IFT172: variants seen among roughly 807,000 people sequenced by gnomAD.
IFT172 encodes the protein intraflagellar transport 172.
IFT172 carries 164 observed loss-of-function variants against 248.9 expected under a neutral mutation model. That is an observed-to-expected ratio of 0.66 (90% CI 0.58 to 0.75). The LOEUF (loss-of-function observed/expected upper bound fraction) is 0.75, where lower values mean the gene tolerates loss of function less well. IFT172 is among the 30% of genes least tolerant of loss of function. The pLI is 0.00. For synonymous variants in IFT172, 729 were observed against 791.6 expected (o/e 0.92, Z 1.33); for missense variants, 1,950 against 2,192.4 (o/e 0.89, Z 2.21).
Position 27,476,677 on chromosome 2 carries a change from A to G in IFT172, c.1375T>C (p.Leu459=), listed in dbSNP as rs371521736. 3 of 1,611,698 alleles carry G rather than the reference A, an allele frequency of 1.9e-6. No individual in the cohort carries two copies. Among genetic ancestry groups the G allele is most frequent in the Non-Finnish European group, 2.5e-6 (3 of 1,177,894 alleles). ...CQRGTEDNKK[L]AYLIDIKTIA... ...GTCTTAATATCAATAAGATAAGCCA[A>G]TTTCTTATTATCTTCTGTTCCTCGC... The change falls in exon 14 of 48, where the codon TTG becomes CTG. Residue 459 remains leucine, a synonymous_variant. Coordinates refer to ENST00000260570, the MANE Select transcript of IFT172 (RefSeq NM_015662.3).
chr2:27,471,049 T>C lies in IFT172; in HGVS notation c.1571A>G (p.Asn524Ser), dbSNP rs1194191840. Residue 524 changes from asparagine to serine, a missense_variant, in exon 16 of 48, where the codon AAC (asparagine) becomes AGC (serine). Asn to Ser is a conservative substitution (Grantham distance 46). Coordinates refer to ENST00000260570, the MANE Select transcript of IFT172 (RefSeq NM_015662.3). ...GACCCACTGCATATAGGAGCAGAAGTTGAGGATCATTGTCTTAGAGCAGCT... is the reference window on the plus strand; with the variant it reads ...GACCCACTGCATATAGGAGCAGAAGCTGAGGATCATTGTCTTAGAGCAGCT... ...IESCSKTMIL[N>S]FCSYMQWVPG... 1.2e-6 allele frequency: 2 copies of C among 1,612,320 alleles called. No homozygotes were observed. The highest frequency in any genetic ancestry group is 1.7e-5 in the Admixed American group (1 of 59,328).
chr2:27,454,338 G>A lies in IFT172; in HGVS notation c.3530+16C>T. The A allele has an allele frequency of 6.2e-7, 1 of 1,614,030 alleles. No individual in the cohort carries two copies. The highest frequency in any genetic ancestry group is 2.2e-5 in the East Asian group (1 of 44,890). ...GACTGGGGAAACAGTATTAAGGAATGTATGGGGTAACTCACATGAGGACTG... is the reference window on the plus strand; with the variant it reads ...GACTGGGGAAACAGTATTAAGGAATATATGGGGTAACTCACATGAGGACTG... On this transcript the variant is annotated intron_variant, in intron 32 of 47. Coordinates refer to ENST00000260570, the MANE Select transcript of IFT172 (RefSeq NM_015662.3). This position sits in a 1 kb window ranked among gnomAD's most constrained non-coding sequence, Gnocchi z 4.2.
chr2:27,471,213 G>T, intron 15 of IFT172, 118 bp from the exon 16 acceptor site: 1 of 923,086 alleles, frequency 1.1e-6, no homozygotes, highest in Non-Finnish European at 1.6e-6. Flanking sequence ...GGTTCATGCT[G>T]CATTTCAAAG....
Position 27,446,259 on chromosome 2 carries a change from C to A in IFT172, c.4755+1G>T. 6.2e-7 allele frequency: 1 copy of A among 1,614,070 alleles called. No individual in the cohort carries two copies. The highest frequency in any genetic ancestry group is 8.5e-7 in the Non-Finnish European group (1 of 1,179,902). On this transcript the variant is annotated splice_donor_variant, in intron 43 of 47. Transcript: ENST00000260570. LOFTEE classifies it high-confidence loss of function. ...CCCCACCCTTCCTTGTCCCAGCTCA[C>A]CTTGGCAGCAATGCCTGCTTCATAG...
chr2:27,464,527 A>G (rs945671332), intron 18 of IFT172, among the ~76,000 whole-genome samples: 1 of 152,180 alleles, frequency 6.6e-6, no homozygotes, highest in East Asian at 1.9e-4. Context: ...ACACATATGC[A>G]TAGATTGAAG....
At chr2:27,471,913 CTG>C in intron 15 of IFT172, 1 of 410,522 alleles carries the variant, frequency 2.4e-6, no homozygotes, top group Non-Finnish European at 4.3e-6. Flanking sequence ...TGGCACGTGC[CTG>C]TAGTCCCAGC....
chr2:27,448,121 C>CA (rs529258808), intron 40 of IFT172, among the ~76,000 whole-genome samples, 199 bp from the exon 41 acceptor site: 83 of 151,932 alleles, frequency 5.5e-4, no homozygotes, highest in African/African-American at 2.0e-3. Flanking sequence ...ATTTTTGAGA[C>CA]AGAGTCTTGC....
In IFT172 at chr2:27,481,097, G is replaced by C; in HGVS notation, c.734C>G (p.Thr245Arg). The change falls in exon 8 of 48, where the codon ACA becomes AGA. Residue 245 changes from threonine (T) to arginine (R), a missense_variant. This residue lies in a region of IFT172 where 1,166 missense variants were observed against 1,254.1 expected (regional missense o/e 0.93). Transcript: ENST00000260570. ...CTGGCCCCCAGGACTTGATACAGCT[G>C]TGGTGAACTCCCGCTCCTGAGGGTC... ...SRDPQEREFT[T>R]AVSSPGGQSV... 6.2e-7 allele frequency: 1 copy of C among 1,614,114 alleles called. No homozygotes were observed. Among genetic ancestry groups the C allele is most frequent in the Non-Finnish European group, 8.5e-7 (1 of 1,180,032 alleles).
At chr2:27,447,461 C>A (rs1170458642) in intron 42 of IFT172, 54 bp downstream of exon 42, 3 of 1,595,360 alleles carry the variant, frequency 1.9e-6, no homozygotes, top group African/African-American at 1.3e-5. Context: ...CAGCTTTATA[C>A]ATTTGCAGAT....
chr2:27,471,235 G>T, intron 15 of IFT172, 140 bp from the exon 16 acceptor site: 1 of 720,584 alleles, frequency 1.4e-6, no homozygotes, highest in Non-Finnish European at 2.3e-6. Context: ...TTACTGACCT[G>T]CTTTCTGCTG....
At chr2:27,476,804 T>C in intron 13 of IFT172, 78 bp from the exon 14 acceptor site, 1 of 808,248 alleles carries the variant, frequency 1.2e-6, no homozygotes, top group South Asian at 1.5e-5. Flanking sequence ...AAGTACCATA[T>C]GGGATGAAGC....
intron 1 of IFT172, among the ~76,000 whole-genome samples, chr2:27,489,224 G>C (rs568437586): frequency 6.6e-6 from 1 of 152,142 alleles, no homozygotes; most frequent in African/African-American, 2.4e-5. Context: ...CAGAATACAC[G>C]GTTCGGTCTT....
At chr2:27,487,337 A>G (rs573613804) in intron 1 of IFT172, among the ~76,000 whole-genome samples, 12 of 152,348 alleles carry the variant, frequency 7.9e-5, no homozygotes, top group Admixed American at 2.0e-4. Context: ...TCTCTACAAT[A>G]TGTACCTCAC....
In IFT172 at chr2:27,456,568, C is replaced by G. The variant is rs200867341; in HGVS notation, c.3314G>C (p.Arg1105Thr). 4 of 1,614,160 alleles carry G rather than the reference C, an allele frequency of 2.5e-6. No individual in the cohort carries two copies. The highest frequency in any genetic ancestry group is 2.5e-6 in the Non-Finnish European group (3 of 1,180,022). Residue 1105 changes from arginine (R) to threonine (T), a missense_variant, in exon 30 of 48, where the codon AGA becomes ACA. Coordinates refer to ENST00000260570, the MANE Select transcript of IFT172 (RefSeq NM_015662.3). ...CAGGAGTCCCAGCTTATTAAGCAGT[C>G]TAACTGCAGCCTCTCCTCCCAGGCT... ...AKSLGGEAAV[R>T]LLNKLGLLEA...
At chr2:27,459,613 T>C in intron 24 of IFT172, 91 bp from the exon 25 acceptor site, 2 of 1,601,512 alleles carry the variant, frequency 1.2e-6, no homozygotes, top group Non-Finnish European at 1.7e-6. Context: ...TCAACCTACA[T>C]TTTGAGATCT....
At chr2:27,481,930 G>A (rs887603978) in intron 7 of IFT172, among the ~76,000 whole-genome samples, 49 of 151,838 alleles carry the variant, frequency 3.2e-4, no homozygotes, top group African/African-American at 8.9e-4. Context: ...CCCACAAAGA[G>A]CATAGGGCTT....
intron 15 of IFT172, chr2:27,471,315 TTAAG>T (rs1227357550): frequency 2.4e-6 from 1 of 410,958 alleles, no homozygotes; most frequent in Non-Finnish European, 4.3e-6. Flanking sequence ...CCCAGGAATT[TTAAG>T]TTAGGTGAAG....
intron 8 of IFT172, among the ~76,000 whole-genome samples, chr2:27,480,839 C>T (rs1329913901): frequency 1.3e-5 from 2 of 152,018 alleles, no homozygotes; most frequent in Admixed American, 6.6e-5. Context: ...GTGCAGGGAG[C>T]GGCACAGAGA....
At chr2:27,472,169 C>T (rs937177413) in intron 15 of IFT172, 81 bp downstream of exon 15, 9 of 928,950 alleles carry the variant, frequency 9.7e-6, no homozygotes, top group Non-Finnish European at 1.6e-5. Context: ...CTCCATCCTG[C>T]CTCCCTCAGT....
Sources: allele counts gnomAD v4.1 joint callset (sites outside exome capture counted in the v4.1 genomes callset), GRCh38; gene constraint gnomAD v4.1.1; regional missense constraint gnomAD v4.1.1; non-coding constraint Gnocchi (gnomAD v3.1); transcripts MANE v1.5; gene names NCBI Gene and HGNC (gene_info 2026-07-23, HGNC 2026-07-21).